The following SCN7A variants were observed in gnomAD, a reference collection of about 807,000 sequenced individuals.
The protein encoded by SCN7A is sodium channel protein type 7 subunit alpha.
SCN7A carries 138 observed loss-of-function variants against 155.2 expected under a neutral mutation model. The ratio of observed to expected loss-of-function variants is 0.89; its 90% CI spans 0.77 to 1.02. SCN7A has a LOEUF of 1.02. Among genes scored for constraint, SCN7A ranks in the 50% least tolerant of loss-of-function variants. SCN7A has a pLI of 0.00. For synonymous variants in SCN7A, 693 were observed against 649.0 expected, an observed-to-expected ratio of 1.07 and a Z score of -1.03; for missense variants, 2,058 against 1,986.6, an observed-to-expected ratio of 1.04 and a Z score of -0.68.
chr2:166,461,567 C>A (rs562579628), intron 10 of SCN7A, among the ~76,000 whole-genome samples: 8 of 152,070 alleles, frequency 5.3e-5, no homozygotes, highest in Non-Finnish European at 1.2e-4. Context: ...CAAAAAGAAA[C>A]AGGACACTGT....
At chr2:166,485,376 GAGAGTCAAC>G (rs765890571) in intron 2 of SCN7A, among the ~76,000 whole-genome samples, 6 of 152,154 alleles carry the variant, frequency 3.9e-5, no homozygotes, top group Non-Finnish European at 8.8e-5. Flanking sequence ...GCTTCAGAAT[GAGAGTCAAC>G]AGAGTCAACA....
rs1702828138 is a variant in SCN7A, at chr2:166,477,604, T to C, written c.93A>G (p.Glu31=). The part of the protein sequence containing the change: ...IKQHIAKTHN[E]DHEEEDLKPT... Reference sequence around the variant, plus strand: ...GCTTTAAGTCTTCTTCTTCATGGTCTTCATTATGTGTTTTAGCAATATGCT... The same window carrying C: ...GCTTTAAGTCTTCTTCTTCATGGTCCTCATTATGTGTTTTAGCAATATGCT... The change falls in exon 3 of 26, where the codon GAA becomes GAG. Residue 31 remains glutamate (E), a synonymous_variant. Coordinates refer to ENST00000643258, the MANE Select transcript of SCN7A (RefSeq NM_002976.4). The C allele has an allele frequency of 1.3e-6, 2 of 1,599,538 alleles. No individual in the cohort carries two copies. Among genetic ancestry groups the C allele is most frequent in the South Asian group, 1.1e-5 (1 of 88,878 alleles).
chr2:166,426,502 G>A (rs956605994), intron 18 of SCN7A, among the ~76,000 whole-genome samples: 4 of 151,916 alleles, frequency 2.6e-5, no homozygotes, highest in African/African-American at 4.8e-5. Context: ...TTGATTTCTT[G>A]TACCAGTCAA....
chr2:166,467,335 G>C (rs1182062941), intron 7 of SCN7A, among the ~76,000 whole-genome samples: 1 of 151,718 alleles, frequency 6.6e-6, no homozygotes, highest in Non-Finnish European at 1.5e-5. Flanking sequence ...TATTTGCACT[G>C]TGTGCTTATT....
At chr2:166,447,984 C>T (rs1216238827) in intron 11 of SCN7A, among the ~76,000 whole-genome samples, 2 of 152,120 alleles carry the variant, frequency 1.3e-5, no homozygotes, top group Non-Finnish European at 2.9e-5. Flanking sequence ...TCCTCTCCTA[C>T]AGCTATTTTG....
Position 166,406,351 on chromosome 2 carries a change from A to G in SCN7A, c.4278T>C (p.Cys1426=), listed in dbSNP as rs754321928. The change falls in exon 26 of 26, where the codon TGT becomes TGC. Residue 1426 remains cysteine (C), a synonymous_variant. Coordinates refer to ENST00000643258, the MANE Select transcript of SCN7A (RefSeq NM_002976.4). The part of the protein sequence containing the change: ...NFETFGNSML[C]LFQVAIFAGW... The stretch of plus-strand genomic sequence containing the variant: ...CAGCAAATATTGCAACTTGAAAAAG[A>G]CAGAGCATACTGTTGCCAAAGGTTT... The G allele has an allele frequency of 6.8e-6, 11 of 1,613,084 alleles. No individual in the cohort carries two copies. The South Asian group carries it at 1.2e-4, about 18-fold the overall frequency.
At chr2:166,418,036 C>A (rs1337354209) in intron 20 of SCN7A, among the ~76,000 whole-genome samples, 1 of 151,696 alleles carries the variant, frequency 6.6e-6, no homozygotes, top group East Asian at 1.9e-4. Context: ...ACGGCAAATG[C>A]AAATCAGTTG....
chr2:166,488,424 T>C (rs1426275502), intron 1 of SCN7A, among the ~76,000 whole-genome samples: 2 of 152,172 alleles, frequency 1.3e-5, no homozygotes, highest in African/African-American at 2.4e-5. Context: ...GGAAGATGAC[T>C]GAAGCTAACG....
intron 16 of SCN7A, among the ~76,000 whole-genome samples, chr2:166,430,605 T>G (rs1701713503): frequency 1.3e-5 from 2 of 151,948 alleles, no homozygotes; most frequent in South Asian, 4.1e-4. Context: ...ATAAATCAAT[T>G]AAGACTCAAA....
intron 7 of SCN7A, among the ~76,000 whole-genome samples, chr2:166,466,979 T>C (rs1268073165): frequency 6.6e-6 from 1 of 152,116 alleles, no homozygotes; most frequent in Non-Finnish European, 1.5e-5. Context: ...AGAAGTGTGA[T>C]AATCTAGATT....
At chr2:166,456,613 T>C (rs1159981024) in intron 11 of SCN7A, among the ~76,000 whole-genome samples, 2 of 152,050 alleles carry the variant, frequency 1.3e-5, no homozygotes, top group Non-Finnish European at 2.9e-5. Flanking sequence ...ACCTTGGCCA[T>C]GTTACTTGCT....
At chr2:166,447,915 A>C (rs1051931417) in intron 11 of SCN7A, among the ~76,000 whole-genome samples, 3 of 152,212 alleles carry the variant, frequency 2.0e-5, no homozygotes, top group Non-Finnish European at 2.9e-5. Flanking sequence ...AAGTCAGGTT[A>C]ATTGGAATAC....
Position 166,441,499 on chromosome 2 carries a change from A to G in SCN7A, c.2054T>C (p.Leu685Pro). The G allele has an allele frequency of 6.2e-7, 1 of 1,614,106 alleles. No individual in the cohort carries two copies. The highest frequency in any genetic ancestry group is 8.5e-7 in the Non-Finnish European group (1 of 1,179,992). Residue 685 changes from leucine (L) to proline (P), a missense_variant, in exon 15 of 26, where the codon CTC becomes CCC. Physicochemically the swap from Leu to Pro is moderately conservative, Grantham distance 98. Transcript: ENST00000643258. ...CAAGGTCTCTACCCACTCTCCACAGAGAATTCGGAACACATTCAGGAAGGA... is the reference window on the plus strand; with the variant it reads ...CAAGGTCTCTACCCACTCTCCACAGGGAATTCGGAACACATTCAGGAAGGA... ...FHSFLNVFRI[L>P]CGEWVETLWD... is the part of the protein sequence containing the mutation.
intron 2 of SCN7A, among the ~76,000 whole-genome samples, chr2:166,480,761 G>A (rs1021338519): frequency 6.6e-6 from 1 of 152,258 alleles, no homozygotes; most frequent in African/African-American, 2.4e-5. Flanking sequence ...TCTGGGTGAA[G>A]GACTAAAGAT....
chr2:166,446,641 CTAAA>C (rs1376467443), intron 12 of SCN7A, among the ~76,000 whole-genome samples: 1 of 152,060 alleles, frequency 6.6e-6, no homozygotes, highest in African/African-American at 2.4e-5. Flanking sequence ...CAATGATAGA[CTAAA>C]TAAAGAAAAT....
intron 1 of SCN7A, among the ~76,000 whole-genome samples, chr2:166,491,418 G>C (rs1379087909): frequency 6.6e-6 from 1 of 152,144 alleles, no homozygotes; most frequent in African/African-American, 2.4e-5. Context: ...ATATCTGTTT[G>C]CTAGGAATTT....
intron 15 of SCN7A, among the ~76,000 whole-genome samples, chr2:166,436,988 C>A (rs571056542): frequency 3.9e-5 from 6 of 152,280 alleles, no homozygotes; most frequent in Non-Finnish European, 7.4e-5. Flanking sequence ...AAAAGAAAAA[C>A]CAATTTTCTG....
At chr2:166,491,838 A>G (rs748302296) in intron 1 of SCN7A, among the ~76,000 whole-genome samples, 7 of 152,108 alleles carry the variant, frequency 4.6e-5, no homozygotes, top group Non-Finnish European at 1.0e-4. Context: ...AGACTCCCAG[A>G]AATCAAGAAT....
In SCN7A at chr2:166,447,479, C is replaced by A. The variant is rs541551515; in HGVS notation, c.1387+133G>T. On this transcript the variant is annotated intron_variant, in intron 12 of 25. Transcript: ENST00000643258. ...CTAAAATTTTTATACATGGTTTATC[C>A]TAATATTCTCAAATATTTCTTAAAT... is the stretch of plus-strand genomic sequence containing the variant. 1.5e-4 allele frequency: 88 copies of A among 584,626 alleles called. No homozygotes were observed. In the East Asian group the frequency reaches 1.9e-3, roughly 13 times the overall value. 36.2% of individuals were successfully genotyped at this position (584,626 alleles called of 1,614,324 possible). A position where few individuals can be genotyped will look rare whatever the true frequency, so the allele number is the denominator to read the frequency against.
Sources: allele counts gnomAD v4.1 joint callset (sites outside exome capture counted in the v4.1 genomes callset), GRCh38; gene constraint gnomAD v4.1.1; transcripts MANE v1.5; gene names NCBI Gene and HGNC (gene_info 2026-07-23, HGNC 2026-07-21).